Variants in RBMS2 observed in about 807,000 individuals in gnomAD.
RBMS2 encodes RNA-binding motif, single-stranded-interacting protein 2.
In RBMS2, 38 loss-of-function variants were observed where a neutral mutation model predicts 58.4. The ratio of observed to expected loss-of-function variants is 0.65; its 90% CI spans 0.50 to 0.85. RBMS2 has a LOEUF of 0.85. Ranked by LOEUF, RBMS2 falls within the 40% of genes least tolerant of loss-of-function variation. The pLI is 0.00. For synonymous variants in RBMS2, 151 were observed against 180.7 expected (o/e 0.84, Z 1.32); for missense variants, 367 against 503.7 (o/e 0.73, Z 2.60).
At chr12:56,535,594 G>T (rs1565731563) in intron 1 of RBMS2, among the ~76,000 whole-genome samples, 1 of 151,632 alleles carries the variant, frequency 6.6e-6, no homozygotes, top group Non-Finnish European at 1.5e-5. Flanking sequence ...AACTTGGACT[G>T]CCCTCCTGTA....
chr12:56,549,084 C>T lies in RBMS2; in HGVS notation c.67-13333C>T, dbSNP rs958575268. ...AATGATCTCGGCTCATTGCAACCTCCGACGCCCAGGTTCAAGTGATTCTTG... is the reference window on the plus strand; with the variant it reads ...AATGATCTCGGCTCATTGCAACCTCTGACGCCCAGGTTCAAGTGATTCTTG... On this transcript the variant is annotated intron_variant, in intron 1 of 13. Coordinates refer to ENST00000262031, the MANE Select transcript of RBMS2 (RefSeq NM_002898.4). 4.6e-5 allele frequency among the ~76,000 whole-genome samples: 7 copies of T among 152,124 alleles called. No homozygotes were observed. In the East Asian group the frequency reaches 5.8e-4, roughly 13 times the overall value.
Position 56,590,604 on chromosome 12 carries a change from C to T in RBMS2, c.*1471C>T, listed in dbSNP as rs970547329. On this transcript the variant is annotated 3_prime_UTR_variant, in exon 14 of 14. Coordinates refer to ENST00000262031, the MANE Select transcript of RBMS2 (RefSeq NM_002898.4). ...CACCCCAACCCTGGACAAACAGTGC[C>T]TTTTGACACTCATGCAACTGTTGGG... is the stretch of plus-strand genomic sequence containing the variant. 1 of 152,208 alleles carries T rather than the reference C, an allele frequency of 6.6e-6. No individual in the cohort carries two copies. The highest frequency in any genetic ancestry group is 2.4e-5 in the African/African-American group (1 of 41,436). The allele number at this position is 152,208 out of a possible 1,614,324, so 9.4% of individuals were successfully genotyped here. A position where few individuals can be genotyped will look rare whatever the true frequency, so the allele number is the denominator to read the frequency against.
chr12:56,532,270 C>T (rs1325473178), intron 1 of RBMS2, among the ~76,000 whole-genome samples: 3 of 145,606 alleles, frequency 2.1e-5, no homozygotes, highest in Middle Eastern at 4.8e-3. Flanking sequence ...TGGCCAGGTG[C>T]GGTGGCTCAC....
chr12:56,594,735 C>T lies in RBMS2; in HGVS notation c.*5602C>T, dbSNP rs1350147953. 1.3e-5 allele frequency: 2 copies of T among 152,258 alleles called. No individual in the cohort carries two copies. The highest frequency in any genetic ancestry group is 2.9e-5 in the Non-Finnish European group (2 of 68,060). The allele number at this position is 152,258 out of a possible 1,614,324, so 9.4% of individuals were successfully genotyped here. ...GATTACAAAAGCCAGGTGCCCTCAT[C>T]ACCCGTTACCCCTGACCTGTCCACT... On this transcript the variant is annotated 3_prime_UTR_variant, in exon 14 of 14. Coordinates refer to ENST00000262031, the MANE Select transcript of RBMS2 (RefSeq NM_002898.4).
intron 1 of RBMS2, among the ~76,000 whole-genome samples, chr12:56,548,885 G>A (rs1450611472): frequency 7.9e-5 from 12 of 152,098 alleles, no homozygotes; most frequent in South Asian, 2.1e-4. Context: ...CATAGTTAAG[G>A]GCCCAGGGTG....
In RBMS2 at chr12:56,595,263, TA is replaced by T. The variant is rs1565795877; in HGVS notation, c.*6131del. 6.6e-6 allele frequency: 1 copy of T among 152,188 alleles called. No individual in the cohort carries two copies. Among genetic ancestry groups the T allele is most frequent in the African/African-American group, 2.4e-5 (1 of 41,444 alleles). The allele number at this position is 152,188 out of a possible 1,614,324, so 9.4% of individuals were successfully genotyped here. A position where few individuals can be genotyped will look rare whatever the true frequency, so the allele number is the denominator to read the frequency against. On this transcript the variant is annotated 3_prime_UTR_variant, in exon 14 of 14. Transcript: ENST00000262031. ...TCCTTTTCTACCTTAACATACAGTTTAGGGGGTTGCACCAAGACAAAGTTTC... is the reference window on the plus strand; with the variant it reads ...TCCTTTTCTACCTTAACATACAGTTTGGGGGTTGCACCAAGACAAAGTTTC...
chr12:56,557,909 C>A (rs978757963), intron 1 of RBMS2, among the ~76,000 whole-genome samples: 1 of 146,504 alleles, frequency 6.8e-6, no homozygotes, highest in Non-Finnish European at 1.5e-5. Context: ...CGGCTAATTT[C>A]GTATTTTTAG....
chr12:56,572,956 T>G, intron 5 of RBMS2: 2 of 983,628 alleles, frequency 2.0e-6, no homozygotes, highest in Non-Finnish European at 2.4e-6. Flanking sequence ...CTTTGGTATC[T>G]GCCCTCACTG....
At chr12:56,573,147 C>G (rs1011407252) in intron 5 of RBMS2, 74 of 984,784 alleles carry the variant, frequency 7.5e-5, no homozygotes, top group Non-Finnish European at 8.2e-5. Context: ...GTGAACACCC[C>G]CTTACTCTGA....
chr12:56,590,104 T>C lies in RBMS2; in HGVS notation c.*971T>C, dbSNP rs1885197389. ...TCCGGAAGAATGGACTTACTGACTT[T>C]TATCAACTCTTCTCACTGCCAAGGC... On this transcript the variant is annotated 3_prime_UTR_variant, in exon 14 of 14. Coordinates refer to ENST00000262031, the MANE Select transcript of RBMS2 (RefSeq NM_002898.4). The C allele has an allele frequency of 6.6e-6, 1 of 152,248 alleles. No individual in the cohort carries two copies. The allele number at this position is 152,248 out of a possible 1,614,324, so 9.4% of individuals were successfully genotyped here.
In RBMS2 at chr12:56,533,719, C is replaced by G. The variant is rs1372002153; in HGVS notation, c.66+11630C>G. Among the ~76,000 whole-genome samples the G allele has an allele frequency of 3.8e-4, 58 of 151,910 alleles. 1 individual carries two copies. The highest frequency in any genetic ancestry group is 3.8e-3 in the Admixed American group (58 of 15,218). ...GCATGAGCCACTGCGCCCAGCAGCCCTGTTACTTTTTAAAAACATAGTTTT... is the reference window on the plus strand; with the variant it reads ...GCATGAGCCACTGCGCCCAGCAGCCGTGTTACTTTTTAAAAACATAGTTTT... On this transcript the variant is annotated intron_variant, in intron 1 of 13. Transcript: ENST00000262031.
In RBMS2 at chr12:56,589,197, CA is replaced by C; in HGVS notation, c.*65del. The C allele has an allele frequency of 6.6e-7, 1 of 1,520,954 alleles. No individual in the cohort carries two copies. The highest frequency in any genetic ancestry group is 8.8e-7 in the Non-Finnish European group (1 of 1,131,330). The allele number at this position is 1,520,954 out of a possible 1,614,324, so 94.2% of individuals were successfully genotyped here. On this transcript the variant is annotated 3_prime_UTR_variant, in exon 14 of 14. Coordinates refer to ENST00000262031, the MANE Select transcript of RBMS2 (RefSeq NM_002898.4). ...GAATTCTTGGAGATACTCATGCTCC[CA>C]GATTCCAGAGGGTTAACCAGGAATG...
chr12:56,531,203 A>G (rs895253153), intron 1 of RBMS2, among the ~76,000 whole-genome samples: 3 of 152,094 alleles, frequency 2.0e-5, no homozygotes, highest in African/African-American at 7.2e-5. Flanking sequence ...TCTTTAAGGT[A>G]GAGACAGTGT....
At chr12:56,538,122 T>G (rs535070931) in intron 1 of RBMS2, among the ~76,000 whole-genome samples, 25 of 152,204 alleles carry the variant, frequency 1.6e-4, no homozygotes, top group Admixed American at 1.0e-3. Context: ...AACCTCCACC[T>G]CTTGGGTTCA....
In RBMS2 at chr12:56,570,469, T is replaced by C. The variant is rs138051867; in HGVS notation, c.384+479T>C. On this transcript the variant is annotated intron_variant, in intron 4 of 13. Transcript: ENST00000262031. ...CATCAAGGGAGGAAACTGTCTCTTC[T>C]CAGATCTGTCTGAAACTGTTGTCTT... 7.4e-3 allele frequency among the ~76,000 whole-genome samples: 1,124 copies of C among 152,346 alleles called. 5 individuals are homozygous for C. Among genetic ancestry groups the C allele is most frequent in the Non-Finnish European group, 0.012 (813 of 68,030 alleles).
At chr12:56,534,978 A>G (rs1308179293) in intron 1 of RBMS2, among the ~76,000 whole-genome samples, 1 of 152,092 alleles carries the variant, frequency 6.6e-6, no homozygotes, top group Non-Finnish European at 1.5e-5. Context: ...ATCTTAACCT[A>G]TCGACAACAC....
intron 3 of RBMS2, among the ~76,000 whole-genome samples, chr12:56,569,543 A>C (rs775453702): frequency 6.6e-6 from 1 of 152,118 alleles, no homozygotes; most frequent in Non-Finnish European, 1.5e-5. Flanking sequence ...CATTCCCTAC[A>C]TGCCTAGCAT....
At chr12:56,563,543 G>A (rs140017944) in intron 2 of RBMS2, among the ~76,000 whole-genome samples, 70 of 152,274 alleles carry the variant, frequency 4.6e-4, no homozygotes, top group African/African-American at 1.6e-3. Context: ...TTTGATTCAT[G>A]GAATTGCCCA....
At chr12:56,563,822 C>T (rs576135578) in intron 2 of RBMS2, among the ~76,000 whole-genome samples, 29 of 151,836 alleles carry the variant, frequency 1.9e-4, no homozygotes, top group African/African-American at 4.6e-4. Flanking sequence ...AAAACTGGTC[C>T]GTTATCTCAG....
Sources: gnomAD v4.1 joint callset for allele counts (sites outside exome capture counted in the v4.1 genomes callset) on GRCh38, gnomAD v4.1.1 for gene constraint, MANE v1.5 for transcripts, NCBI Gene and HGNC (gene_info 2026-07-23, HGNC 2026-07-21) for gene names.